HOMER1: variants seen among roughly 807,000 people sequenced by gnomAD.
The protein encoded by HOMER1 is homer protein homolog 1.
HOMER1 carries 3 observed loss-of-function variants against 48.9 expected under a neutral mutation model. The observed-to-expected ratio is 0.06, with a 90% CI of 0.03 to 0.16. The LOEUF (loss-of-function observed/expected upper bound fraction) is 0.16. HOMER1 is among the 10% of genes least tolerant of loss of function. HOMER1 has a pLI of 1.00. For missense variants in HOMER1, 247 were observed against 411.4 expected (o/e 0.60, Z 3.46); for synonymous variants, 134 against 146.4 (o/e 0.92, Z 0.61).
At chr5:79,390,998 A>T (rs1372436436) in intron 8 of HOMER1, among the ~76,000 whole-genome samples, 4 of 152,154 alleles carry the variant, frequency 2.6e-5, no homozygotes, top group Non-Finnish European at 5.9e-5. Flanking sequence ...GAATGAAAAA[A>T]AGGAATTAAA....
chr5:79,388,665 TGAGA>T (rs1749176639), intron 8 of HOMER1, among the ~76,000 whole-genome samples: 1 of 151,872 alleles, frequency 6.6e-6, no homozygotes, highest in Non-Finnish European at 1.5e-5. Flanking sequence ...ATTGAACTCA[TGAGA>T]GAAACAGAAG....
chr5:79,485,869 A>T (rs1461799663), intron 1 of HOMER1, among the ~76,000 whole-genome samples: 1 of 152,166 alleles, frequency 6.6e-6, no homozygotes, highest in Non-Finnish European at 1.5e-5. Context: ...ACACCTTGTT[A>T]TTTCCCTATC....
intron 8 of HOMER1, among the ~76,000 whole-genome samples, chr5:79,393,809 T>C (rs1274034656): frequency 6.6e-6 from 1 of 152,166 alleles, no homozygotes; most frequent in African/African-American, 2.4e-5. Context: ...AAAACTATGA[T>C]ACCTCTATAT....
Position 79,513,043 on chromosome 5 carries a change from CCACAAAATGAGTCTA to C in HOMER1, c.-284_-270del. On this transcript the variant is annotated 5_prime_UTR_variant, in exon 1 of 9. Coordinates refer to ENST00000334082, the MANE Select transcript of HOMER1 (RefSeq NM_004272.5). ...GGAGGAGACAGCGATCAACTCTATT[CCACAAAATGAGTCTA>C]CAAGTAGGGAAATGCAGAATCCGGC... 1.9e-6 allele frequency: 1 copy of C among 532,648 alleles called. No homozygotes were observed. The highest frequency in any genetic ancestry group is 3.3e-6 in the Non-Finnish European group (1 of 300,282). The allele number at this position is 532,648 out of a possible 1,614,324, so 33.0% of individuals were successfully genotyped here. A position where few individuals can be genotyped will look rare whatever the true frequency, so the allele number is the denominator to read the frequency against.
intron 1 of HOMER1, among the ~76,000 whole-genome samples, chr5:79,511,239 A>G (rs1028802751): frequency 6.6e-6 from 1 of 151,390 alleles, no homozygotes; most frequent in Non-Finnish European, 1.5e-5. Flanking sequence ...GGTTTTGAAC[A>G]GTAGTATTTT....
At position 79,463,832 on chromosome 5, in the gene HOMER1, G is replaced by A. The variant is rs73770423; in HGVS notation, c.6-6814C>T. On this transcript the variant is annotated intron_variant, in intron 1 of 8. Coordinates refer to ENST00000334082, the MANE Select transcript of HOMER1 (RefSeq NM_004272.5). ...AGATGGGTGGGAAGAGGAAGAAATG[G>A]AAAGGTAAATGTGGAACTGGCAAAA... is the stretch of plus-strand genomic sequence containing the variant. 9.8e-3 allele frequency among the ~76,000 whole-genome samples: 1,491 copies of A among 152,280 alleles called. 19 individuals carry two copies. Among genetic ancestry groups the A allele is most frequent in the African/African-American group, 0.033 (1,384 of 41,540 alleles).
At chr5:79,404,789 C>T (rs1034008060) in intron 5 of HOMER1, among the ~76,000 whole-genome samples, 16 of 152,076 alleles carry the variant, frequency 1.1e-4, no homozygotes, top group African/African-American at 1.9e-4. Flanking sequence ...ATGCAACCTC[C>T]GCCTTCCAGG....
intron 1 of HOMER1, among the ~76,000 whole-genome samples, chr5:79,490,815 T>C (rs562734172): frequency 6.8e-6 from 1 of 146,068 alleles, no homozygotes; most frequent in South Asian, 2.2e-4. Flanking sequence ...TAGCCAGGCA[T>C]GGTGACACAA....
chr5:79,408,531 T>C (rs1749728410), intron 5 of HOMER1, among the ~76,000 whole-genome samples: 1 of 152,170 alleles, frequency 6.6e-6, no homozygotes, highest in Non-Finnish European at 1.5e-5. Context: ...AACAGTCTTT[T>C]AAACAAATGG....
At chr5:79,485,978 T>C (rs1385235073) in intron 1 of HOMER1, among the ~76,000 whole-genome samples, 1 of 152,204 alleles carries the variant, frequency 6.6e-6, no homozygotes, top group Non-Finnish European at 1.5e-5. Context: ...TGTGTACTTC[T>C]TGAGTCTACA....
intron 5 of HOMER1, among the ~76,000 whole-genome samples, chr5:79,405,247 C>A (rs1749634395): frequency 6.6e-6 from 1 of 152,166 alleles, no homozygotes; most frequent in African/African-American, 2.4e-5. Flanking sequence ...CGACAGCCAT[C>A]TACAAGACGA....
chr5:79,375,725 C>T lies in HOMER1; in HGVS notation c.*284G>A, dbSNP rs1456278827. Reference sequence around the variant, plus strand: ...TGGCTAATATCAGGAAAAAAGATTGCATTAAGTGTCTATTTATAACTTTCT... The same window carrying T: ...TGGCTAATATCAGGAAAAAAGATTGTATTAAGTGTCTATTTATAACTTTCT... On this transcript the variant is annotated 3_prime_UTR_variant, in exon 9 of 9. Transcript: ENST00000334082. The T allele has an allele frequency of 4.0e-6, 1 of 248,770 alleles. No homozygotes were observed. Among genetic ancestry groups the T allele is most frequent in the Non-Finnish European group, 7.6e-6 (1 of 131,800 alleles). 15.4% of individuals were successfully genotyped at this position (248,770 alleles called of 1,614,324 possible).
At position 79,374,372 on chromosome 5, in the gene HOMER1, GAAAC is replaced by G. The variant is rs1310247668; in HGVS notation, c.*1633_*1636del. 3.3e-5 allele frequency: 5 copies of G among 152,316 alleles called. No homozygotes were observed. In the East Asian group the frequency reaches 7.7e-4, roughly 24 times the overall value. The allele number at this position is 152,316 out of a possible 1,614,324, so 9.4% of individuals were successfully genotyped here. ...AAACTCACTTAAGAAACTAACTTCA[GAAAC>G]AAACCATTTATTTTTCACTCTAATG... is the stretch of plus-strand genomic sequence containing the variant. On this transcript the variant is annotated 3_prime_UTR_variant, in exon 9 of 9. Coordinates refer to ENST00000334082, the MANE Select transcript of HOMER1 (RefSeq NM_004272.5).
intron 2 of HOMER1, among the ~76,000 whole-genome samples, chr5:79,455,590 A>G (rs1412153658): frequency 6.6e-6 from 1 of 152,202 alleles, no homozygotes; most frequent in Non-Finnish European, 1.5e-5. Context: ...ACCCAGTCTC[A>G]GGTATTTCTT....
chr5:79,500,267 T>A (rs986163471), intron 1 of HOMER1, among the ~76,000 whole-genome samples: 1 of 151,850 alleles, frequency 6.6e-6, no homozygotes, highest in African/African-American at 2.4e-5. Flanking sequence ...TTAATATGAA[T>A]CGAGAAAAAG....
chr5:79,417,689 A>G (rs1048633074), intron 5 of HOMER1, among the ~76,000 whole-genome samples: 10 of 152,328 alleles, frequency 6.6e-5, no homozygotes, highest in African/African-American at 2.2e-4. Context: ...TAATCTATTA[A>G]AGATAGAAAT....
At chr5:79,415,772 G>T (rs1017949313) in intron 5 of HOMER1, among the ~76,000 whole-genome samples, 1 of 152,126 alleles carries the variant, frequency 6.6e-6, no homozygotes, top group South Asian at 2.1e-4. Context: ...GAGTTTCGAA[G>T]AATTTTATTA....
At chr5:79,451,766 TCACC>T (rs1379048356) in intron 2 of HOMER1, among the ~76,000 whole-genome samples, 4 of 151,828 alleles carry the variant, frequency 2.6e-5, no homozygotes, top group Non-Finnish European at 5.9e-5. Flanking sequence ...AGACGGGGTT[TCACC>T]ATGTTAGCCA....
chr5:79,405,022 C>T (rs565058825), intron 5 of HOMER1, among the ~76,000 whole-genome samples: 4 of 152,120 alleles, frequency 2.6e-5, no homozygotes, highest in African/African-American at 7.2e-5. Context: ...ATTGCCTCTT[C>T]GATTCTGTGC....
Sources: allele counts gnomAD v4.1 joint callset (sites outside exome capture counted in the v4.1 genomes callset), GRCh38; gene constraint gnomAD v4.1.1; transcripts MANE v1.5; gene names NCBI Gene and HGNC (gene_info 2026-07-23, HGNC 2026-07-21).